PLB1: variants seen among roughly 807,000 people sequenced by gnomAD.
PLB1 encodes the protein phospholipase B1, also known as phospholipase B1, membrane-associated.
A neutral mutation model predicts 227.4 loss-of-function variants in PLB1; 242 were observed. That is an observed-to-expected ratio of 1.06 (90% CI 0.96 to 1.18). PLB1 has a LOEUF of 1.18. Among genes scored for constraint, PLB1 ranks in the 50% most tolerant of loss-of-function variants. The pLI, the probability that PLB1 is intolerant of heterozygous loss-of-function variation, is 0.00. For synonymous variants in PLB1, 757 were observed against 682.2 expected (o/e 1.11, Z -1.71); for missense variants, 1,858 against 1,816.3 (o/e 1.02, Z -0.42).
intron 56 of PLB1, among the ~76,000 whole-genome samples, chr2:28,636,266 C>T (rs1469613870): frequency 6.6e-6 from 1 of 152,084 alleles, no homozygotes; most frequent in East Asian, 1.9e-4. Flanking sequence ...GCCATGTTGG[C>T]CAGGCCAGGC....
At chr2:28,585,003 T>C (rs1339305575) in intron 25 of PLB1, among the ~76,000 whole-genome samples, 1 of 152,204 alleles carries the variant, frequency 6.6e-6, no homozygotes. Context: ...ACTTCTAGAA[T>C]GGCTGGGAGG....
intron 32 of PLB1, 51 bp from the exon 33 acceptor site, chr2:28,593,630 C>T (rs1388328440): frequency 2.0e-6 from 3 of 1,520,538 alleles, no homozygotes; most frequent in Non-Finnish European, 2.7e-6. Context: ...TCACAGCCTC[C>T]CTGTTCTCTG....
intron 43 of PLB1, among the ~76,000 whole-genome samples, chr2:28,607,804 A>G (rs1037883382): frequency 6.6e-6 from 1 of 152,124 alleles, no homozygotes; most frequent in Non-Finnish European, 1.5e-5. Flanking sequence ...TAGATATGTC[A>G]ATATTTTACC....
rs538065102 is a variant in PLB1 at position 28,566,817 on chromosome 2, C to G, written c.1302C>G (p.Ile434Met). The G allele has an allele frequency of 6.2e-7, 1 of 1,614,104 alleles. No individual in the cohort carries two copies. Among genetic ancestry groups the G allele is most frequent in the Non-Finnish European group, 8.5e-7 (1 of 1,180,010 alleles). ...LSWSVGGDEN[I>M]GTVTTLANIL... ...ACAGCGTCGGCGGAGATGAGAACAT[C>G]GGCACCGTTACCACCCTGGCGAGTG... is the stretch of plus-strand genomic sequence containing the variant. Residue 434 changes from isoleucine to methionine, a missense_variant, in exon 20 of 58, where the codon ATC becomes ATG. Physicochemically the swap from Ile to Met is conservative, Grantham distance 10. Transcript: ENST00000327757.
chr2:28,586,737 T>C (rs1680961067), intron 26 of PLB1, among the ~76,000 whole-genome samples: 1 of 152,112 alleles, frequency 6.6e-6, no homozygotes, highest in Non-Finnish European at 1.5e-5. Flanking sequence ...ATTTTATGTA[T>C]TTATTTATTT....
Position 28,603,958 on chromosome 2 carries a change from T to G in PLB1, c.2775-8T>G. 1.2e-6 allele frequency: 2 copies of G among 1,613,856 alleles called. No individual in the cohort carries two copies. Among genetic ancestry groups the G allele is most frequent in the Non-Finnish European group, 1.7e-6 (2 of 1,179,720 alleles). Reference sequence around the variant, plus strand: ...TCTGGGGCCTCCTGCCTCCCCCTCTTTGTGCAGCGTTTTGTGTAACTGCGT... The same window carrying G: ...TCTGGGGCCTCCTGCCTCCCCCTCTGTGTGCAGCGTTTTGTGTAACTGCGT... On this transcript the variant is annotated splice_region_variant and splice_polypyrimidine_tract_variant and intron_variant, in intron 39 of 57. Transcript: ENST00000327757.
At chr2:28,557,642 C>T (rs1675348419) in intron 17 of PLB1, among the ~76,000 whole-genome samples, 1 of 152,198 alleles carries the variant, frequency 6.6e-6, no homozygotes, top group African/African-American at 2.4e-5. Flanking sequence ...GGATGGCCTT[C>T]TGATAAGAGG....
intron 50 of PLB1, 49 bp from the exon 51 acceptor site, chr2:28,626,379 G>T: frequency 1.3e-6 from 2 of 1,525,614 alleles, no homozygotes; most frequent in East Asian, 2.3e-5. Flanking sequence ...AGCAACATTT[G>T]TATGTGCCTC....
chr2:28,591,721 T>G lies in PLB1; in HGVS notation c.2149T>G (p.Cys717Gly). Residue 717 changes from cysteine (C) to glycine (G), a missense_variant, in exon 31 of 58, where the codon TGC becomes GGC. Physicochemically the swap from Cys to Gly is radical, Grantham distance 159. Transcript: ENST00000327757. ...SMQGHGTWLP[C>G]RDRAPSALHP... is the part of the protein sequence containing the mutation. The stretch of plus-strand genomic sequence containing the variant: ...TTAGGGTCATGGGACCTGGCTGCCA[T>G]GCAGGGACAGAGCCCCTTCTGCCTT... 2.5e-6 allele frequency: 4 copies of G among 1,614,014 alleles called. No individual in the cohort carries two copies. Among genetic ancestry groups the G allele is most frequent in the Non-Finnish European group, 3.4e-6 (4 of 1,179,974 alleles).
chr2:28,625,115 A>T lies in PLB1; in HGVS notation c.3579+7A>T, dbSNP rs1178091512. The T allele has an allele frequency of 1.2e-6, 2 of 1,610,900 alleles. No individual in the cohort carries two copies. Among genetic ancestry groups the T allele is most frequent in the Non-Finnish European group, 1.7e-6 (2 of 1,178,358 alleles). ...GCGAATGAAAAACAGCCCCGTGAGT[A>T]CAGGCCCCCAGGCCACCCCTGAAAG... On this transcript the variant is annotated splice_region_variant and intron_variant, in intron 50 of 57. Transcript: ENST00000327757.
rs751619246 is a variant in PLB1, at chr2:28,540,416, A to G, written c.749A>G (p.Lys250Arg). The G allele has an allele frequency of 1.9e-5, 30 of 1,613,910 alleles. 1 individual carries two copies. In the South Asian group the frequency reaches 3.2e-4, roughly 17 times the overall value. Residue 250 changes from lysine (K) to arginine (R), a missense_variant, in exon 12 of 58, where the codon AAG becomes AGG. By Grantham distance (26) the Lys-to-Arg change is conservative. Coordinates refer to ENST00000327757, the MANE Select transcript of PLB1 (RefSeq NM_153021.5). ...TCAGAGGAGACCACCCGGCTGGCCA[A>G]GGTGGTGATGCAGTGGTCTTATCAG... ...NCSEETTRLA[K>R]VVMQWSYQEA... is the part of the protein sequence containing the mutation.
intron 47 of PLB1, 47 bp downstream of exon 47, chr2:28,620,379 G>A (rs1455050403): frequency 5.3e-5 from 81 of 1,523,678 alleles, no homozygotes; most frequent in South Asian, 2.6e-4. Flanking sequence ...CTCTCTCAGA[G>A]AGGTGTGAGT....
chr2:28,522,214 T>C (rs1291749222), intron 4 of PLB1, among the ~76,000 whole-genome samples: 1 of 151,750 alleles, frequency 6.6e-6, no homozygotes, highest in Non-Finnish European at 1.5e-5. Context: ...CTGATCACAA[T>C]TGTAAATGAG....
intron 20 of PLB1, among the ~76,000 whole-genome samples, chr2:28,567,196 A>G (rs531662369): frequency 1.3e-5 from 2 of 151,730 alleles, no homozygotes; most frequent in East Asian, 3.9e-4. Context: ...GAGAATAAAG[A>G]AAAGTGATTC....
At chr2:28,496,771 C>T (rs1666500894) in intron 1 of PLB1, among the ~76,000 whole-genome samples, 1 of 152,194 alleles carries the variant, frequency 6.6e-6, no homozygotes, top group African/African-American at 2.4e-5. Context: ...GCCACAATCC[C>T]TCTCTGCCCC....
Position 28,540,428 on chromosome 2 carries a change from A to G in PLB1, c.761A>G (p.Gln254Arg), listed in dbSNP as rs748339727. ...ACCCGGCTGGCCAAGGTGGTGATGCAGTGGTCTTATCAGGTGAGCCCAACC... is the reference window on the plus strand; with the variant it reads ...ACCCGGCTGGCCAAGGTGGTGATGCGGTGGTCTTATCAGGTGAGCCCAACC... ...ETTRLAKVVM[Q>R]WSYQEAWNSL... Residue 254 changes from glutamine (Q) to arginine (R), a missense_variant, in exon 12 of 58, where the codon CAG (glutamine) becomes CGG (arginine). By Grantham distance (43) the Gln-to-Arg change is conservative (BLOSUM62 1). Coordinates refer to ENST00000327757, the MANE Select transcript of PLB1 (RefSeq NM_153021.5). The G allele has an allele frequency of 1.9e-6, 3 of 1,613,952 alleles. No individual in the cohort carries two copies. The highest frequency in any genetic ancestry group is 2.2e-5 in the South Asian group (2 of 91,054).
chr2:28,526,598 T>C (rs1670293732), intron 6 of PLB1, among the ~76,000 whole-genome samples: 1 of 152,210 alleles, frequency 6.6e-6, no homozygotes, highest in South Asian at 2.1e-4. Flanking sequence ...TTAAGTCCTT[T>C]AACAGCAGCT....
intron 6 of PLB1, among the ~76,000 whole-genome samples, chr2:28,526,997 G>C (rs186969288): frequency 6.6e-6 from 1 of 152,146 alleles, no homozygotes; most frequent in African/African-American, 2.4e-5. Context: ...AGAATCAAAG[G>C]GTTCTGAAAG....
rs530503339 is a variant in PLB1, at chr2:28,538,787, G to A, written c.619-312G>A. 5.9e-5 allele frequency among the ~76,000 whole-genome samples: 9 copies of A among 152,276 alleles called. 1 individual carries two copies. The highest frequency in any genetic ancestry group is 2.2e-4 in the African/African-American group (9 of 41,564). On this transcript the variant is annotated intron_variant, in intron 10 of 57. Coordinates refer to ENST00000327757, the MANE Select transcript of PLB1 (RefSeq NM_153021.5). ...GCCCTGCCTTCCGCTTTGCTCCCCT[G>A]GAGGGCAGCTTTCTGCTGGAGGAGG...
Sources: allele counts gnomAD v4.1 joint callset (sites outside exome capture counted in the v4.1 genomes callset), GRCh38; gene constraint gnomAD v4.1.1; transcripts MANE v1.5; gene names NCBI Gene and HGNC (gene_info 2026-07-23, HGNC 2026-07-21).